Variants in PEPD observed in about 807,000 individuals in gnomAD.
PEPD encodes xaa-Pro dipeptidase.
In PEPD, 53 loss-of-function variants were observed where a neutral mutation model predicts 60.7. That is an observed-to-expected ratio of 0.87 (90% CI 0.70 to 1.10). The LOEUF (loss-of-function observed/expected upper bound fraction) is 1.10, where lower values mean the gene tolerates loss of function less well. PEPD is among the 50% of genes least tolerant of loss of function. PEPD has a pLI of 0.00. For missense variants in PEPD, 711 were observed against 711.9 expected (o/e 1.00, Z 0.01); for synonymous variants, 267 against 284.1 (o/e 0.94, Z 0.60).
chr19:33,399,796 G>A (rs948498878), intron 12 of PEPD, among the ~76,000 whole-genome samples: 17 of 152,096 alleles, frequency 1.1e-4, no homozygotes, highest in African/African-American at 4.1e-4. Context: ...GAACACTGAG[G>A]GCGCACTTGG....
rs1296721915 is a variant in PEPD, at chr19:33,387,190, G to A, written c.*154C>T. ...GTAATTAAAAAAGTGTTTCCTCCCC[G>A]GGAAACAGCACTGTTTGGTCTGATC... is the stretch of plus-strand genomic sequence containing the variant. On this transcript the variant is annotated 3_prime_UTR_variant, in exon 15 of 15. Coordinates refer to ENST00000244137, the MANE Select transcript of PEPD (RefSeq NM_000285.4). 5 of 836,042 alleles carry A rather than the reference G, an allele frequency of 6.0e-6. No homozygotes were observed. Among genetic ancestry groups the A allele is most frequent in the South Asian group, 3.2e-5 (2 of 62,040 alleles). The allele number at this position is 836,042 out of a possible 1,614,324, so 51.8% of individuals were successfully genotyped here. A position where few individuals can be genotyped will look rare whatever the true frequency, so the allele number is the denominator to read the frequency against.
chr19:33,442,406 CA>C (rs78376277), intron 9 of PEPD, among the ~76,000 whole-genome samples: 32,989 of 128,218 alleles, frequency 0.26, 4,441 homozygotes, highest in African/African-American at 0.42. Context: ...GACTCTGTCT[CA>C]AAAAAAAAAA....
At chr19:33,513,507 C>T (rs1355614965) in intron 1 of PEPD, among the ~76,000 whole-genome samples, 1 of 152,212 alleles carries the variant, frequency 6.6e-6, no homozygotes, top group Non-Finnish European at 1.5e-5. Flanking sequence ...AAGGTCTACC[C>T]TCATTGCACA....
intron 9 of PEPD, 84 bp downstream of exon 9, chr19:33,462,911 G>A (rs916764956): frequency 3.3e-5 from 27 of 829,412 alleles, no homozygotes; most frequent in African/African-American, 2.0e-4. Flanking sequence ...GTGCCACTGC[G>A]GCGTCTCATC....
At chr19:33,389,028 C>T (rs1303956189) in intron 13 of PEPD, 1 of 152,406 alleles carries the variant, frequency 6.6e-6, no homozygotes, top group Non-Finnish European at 1.5e-5. Flanking sequence ...GCTGCACTCC[C>T]TCCCCAGGAA....
rs551593884 is a variant in PEPD at position 33,439,521 on chromosome 19, G to A, written c.671+23474C>T. 2.0e-5 allele frequency among the ~76,000 whole-genome samples: 3 copies of A among 152,352 alleles called. No individual in the cohort carries two copies. In the South Asian group the frequency reaches 6.2e-4, roughly 32 times the overall value. ...GCCTCTGGTGTGGGCTGGCTGTGAG[G>A]TTCATTGAGCCTCCCCAGCTGCTCT... On this transcript the variant is annotated intron_variant, in intron 9 of 14. Coordinates refer to ENST00000244137, the MANE Select transcript of PEPD (RefSeq NM_000285.4).
In PEPD at chr19:33,387,605, G is replaced by A. The variant is rs1196622844; in HGVS notation, c.1345-124C>T. ...GCAGCTGACACTCCCTGGGAGACGG[G>A]TGGCCTCCGGGCTCCTTCATGGAGC... On this transcript the variant is annotated intron_variant, in intron 14 of 14. Transcript: ENST00000244137. 6 of 1,287,734 alleles carry A rather than the reference G, an allele frequency of 4.7e-6. No homozygotes were observed. The African/African-American group carries it at 7.3e-5, about 16-fold the overall frequency. The allele number at this position is 1,287,734 out of a possible 1,614,324, so 79.8% of individuals were successfully genotyped here.
intron 7 of PEPD, among the ~76,000 whole-genome samples, chr19:33,469,252 T>TC (rs1195021105): frequency 1.3e-5 from 2 of 152,028 alleles, no homozygotes; most frequent in East Asian, 3.9e-4. Context: ...TGCCCACCCA[T>TC]CCCCACAGGC....
At chr19:33,451,809 T>C (rs1245939537) in intron 9 of PEPD, among the ~76,000 whole-genome samples, 2 of 152,160 alleles carry the variant, frequency 1.3e-5, no homozygotes, top group African/African-American at 4.8e-5. Flanking sequence ...AGGGGTTTCT[T>C]GAAAGCTATA....
chr19:33,446,589 A>G (rs746214735), intron 9 of PEPD, among the ~76,000 whole-genome samples: 5 of 152,200 alleles, frequency 3.3e-5, no homozygotes, highest in Non-Finnish European at 7.4e-5. Context: ...CCACAGTCAC[A>G]TGCTGGCCTA....
At chr19:33,517,574 C>CA (rs956410961) in intron 1 of PEPD, among the ~76,000 whole-genome samples, 2 of 151,298 alleles carry the variant, frequency 1.3e-5, no homozygotes, top group Admixed American at 6.6e-5. Flanking sequence ...AAACAAAAAA[C>CA]AAAAAACAAA....
At chr19:33,465,903 T>C (rs1970010918) in intron 7 of PEPD, among the ~76,000 whole-genome samples, 1 of 151,830 alleles carries the variant, frequency 6.6e-6, no homozygotes, top group African/African-American at 2.4e-5. Context: ...AACTCAGAAA[T>C]TGGGGAAGTA....
intron 9 of PEPD, among the ~76,000 whole-genome samples, chr19:33,452,903 C>G (rs1969722836): frequency 6.6e-6 from 1 of 152,206 alleles, no homozygotes; most frequent in South Asian, 2.1e-4. Flanking sequence ...AACAGAAAAA[C>G]ATGGGGGTGC....
intron 12 of PEPD, among the ~76,000 whole-genome samples, chr19:33,400,507 C>T (rs974285090): frequency 2.6e-5 from 4 of 152,200 alleles, no homozygotes; most frequent in East Asian, 3.9e-4. Flanking sequence ...GTGCCTGGGC[C>T]GGTGTGGGCA....
intron 9 of PEPD, among the ~76,000 whole-genome samples, chr19:33,425,541 C>T (rs1222532751): frequency 1.3e-5 from 2 of 152,116 alleles, no homozygotes; most frequent in Non-Finnish European, 2.9e-5. Flanking sequence ...TACGAGTCCA[C>T]GGGATGACAT....
chr19:33,434,609 C>T (rs28555194), intron 9 of PEPD, among the ~76,000 whole-genome samples: 1 of 151,860 alleles, frequency 6.6e-6, no homozygotes, highest in East Asian at 1.9e-4. Context: ...GCGCATCTGG[C>T]CTCCCTTGGT....
intron 3 of PEPD, among the ~76,000 whole-genome samples, chr19:33,505,781 C>T (rs1970789173): frequency 6.7e-6 from 1 of 150,194 alleles, no homozygotes. Context: ...TACTCACACA[C>T]CCACACACCC....
intron 9 of PEPD, among the ~76,000 whole-genome samples, chr19:33,444,888 GACA>G (rs5827854): frequency 0.04 from 6,038 of 152,146 alleles, 310 homozygotes; most frequent in Admixed American, 0.16. Context: ...CATTTTCCTG[GACA>G]ACATTTTATC....
chr19:33,413,468 G>C, intron 10 of PEPD, 107 bp downstream of exon 10: 1 of 717,090 alleles, frequency 1.4e-6, no homozygotes, highest in Non-Finnish European at 2.5e-6. Context: ...GTGGGCGTGT[G>C]AGTGAGCAAG....
Sources: gnomAD v4.1 joint callset for allele counts (sites outside exome capture counted in the v4.1 genomes callset) on GRCh38, gnomAD v4.1.1 for gene constraint, MANE v1.5 for transcripts, NCBI Gene and HGNC (gene_info 2026-07-23, HGNC 2026-07-21) for gene names.